CFAP47: variants seen among roughly 807,000 people sequenced by gnomAD.
The protein encoded by CFAP47 is cilia- and flagella-associated protein 47.
In CFAP47, 29 loss-of-function variants were observed where a neutral mutation model predicts 148.1. That is an observed-to-expected ratio of 0.20 (90% CI 0.15 to 0.27). The LOEUF is 0.27. Ranked by LOEUF, CFAP47 falls within the 10% of genes least tolerant of loss-of-function variation. The pLI is 1.00. For synonymous variants in CFAP47, 664 were observed against 577.3 expected, an observed-to-expected ratio of 1.15 and a Z score of -2.15; for missense variants, 1,872 against 1,697.5, an observed-to-expected ratio of 1.10 and a Z score of -1.81.
intron 8 of CFAP47, among the ~76,000 whole-genome samples, chrX:35,964,777 T>G (rs537285111): frequency 8.9e-6 from 1 of 111,885 alleles, no homozygotes; most frequent in African/African-American, 3.2e-5. Flanking sequence ...TTAGTTACGT[T>G]ACTCTTCAAT....
intron 43 of CFAP47, 83 bp downstream of exon 43, chrX:36,200,576 C>A (rs781959787): frequency 1.8e-4 from 51 of 286,114 alleles, no homozygotes; most frequent in Non-Finnish European, 3.0e-4. Context: ...ATACTCATAG[C>A]AAGCTTCTCT....
At chrX:36,180,819 T>G (rs1240735751) in intron 40 of CFAP47, among the ~76,000 whole-genome samples, 1 of 112,092 alleles carries the variant, frequency 8.9e-6, no homozygotes, top group Non-Finnish European at 1.9e-5. Context: ...ACATTTTGCT[T>G]TAGTGAACAA....
chrX:36,152,013 G>T (rs759549841), intron 37 of CFAP47, among the ~76,000 whole-genome samples: 1 of 110,666 alleles, frequency 9.0e-6, no homozygotes, highest in Non-Finnish European at 1.9e-5. Context: ...TCTTTTCTAA[G>T]TGTAATAATC....
chrX:36,078,072 A>T (rs1418861418), intron 29 of CFAP47, among the ~76,000 whole-genome samples: 3 of 111,748 alleles, frequency 2.7e-5, no homozygotes, highest in Non-Finnish European at 5.6e-5. Flanking sequence ...TAAACTTCAC[A>T]CATTGAGGCA....
chrX:36,241,992 T>A (rs1011901956), intron 48 of CFAP47, among the ~76,000 whole-genome samples: 3 of 110,844 alleles, frequency 2.7e-5, no homozygotes, highest in Non-Finnish European at 5.7e-5. Context: ...AGAAAAAGAG[T>A]CACGTGGCTG....
At chrX:36,138,094 TA>T in intron 34 of CFAP47, 39 bp downstream of exon 34, 1 of 619,212 alleles carries the variant, frequency 1.6e-6, no homozygotes, top group Non-Finnish European at 2.6e-6. Flanking sequence ...TTCTATTATT[TA>T]AAAAAACTTA....
At chrX:36,344,304 C>A (rs1602118195) in intron 57 of CFAP47, among the ~76,000 whole-genome samples, 2 of 98,397 alleles carry the variant, frequency 2.0e-5, no homozygotes, top group Admixed American at 1.1e-4. Flanking sequence ...AACTGAAGTT[C>A]AGTTCAAAAA....
chrX:36,296,447 C>T (rs1941243228), intron 51 of CFAP47, among the ~76,000 whole-genome samples: 1 of 111,631 alleles, frequency 9.0e-6, no homozygotes, highest in Non-Finnish European at 1.9e-5. Context: ...AGTGGCTCAA[C>T]ATGTGAGTGG....
chrX:36,225,287 A>G (rs954759548), intron 45 of CFAP47, among the ~76,000 whole-genome samples: 9 of 111,930 alleles, frequency 8.0e-5, no homozygotes, highest in East Asian at 2.8e-4. Flanking sequence ...ACATTTCAAA[A>G]TAGAATACAT....
intron 62 of CFAP47, among the ~76,000 whole-genome samples, chrX:36,373,937 T>C (rs1941996823): frequency 2.7e-5 from 3 of 111,809 alleles, no homozygotes; most frequent in Non-Finnish European, 5.7e-5. Flanking sequence ...TGAAGAGCCT[T>C]TTAATATATT....
intron 22 of CFAP47, among the ~76,000 whole-genome samples, chrX:36,028,768 G>T (rs1937249828): frequency 9.0e-6 from 1 of 110,794 alleles, no homozygotes. Flanking sequence ...GTCTTTAAAG[G>T]ATGTCAGATT....
intron 8 of CFAP47, among the ~76,000 whole-genome samples, chrX:35,962,785 C>T (rs1936348517): frequency 9.0e-6 from 1 of 110,661 alleles, no homozygotes; most frequent in African/African-American, 3.3e-5. Flanking sequence ...CAATTTAATC[C>T]ATTTATGTGT....
chrX:35,924,061 G>GTA lies in CFAP47; in HGVS notation c.250-1956_250-1955insTA, dbSNP rs1569201132. The stretch of plus-strand genomic sequence containing the variant: ...TATATGTGTATATGTACATGTATGC[G>GTA]CACATATATGTATATATGTACATGT... On this transcript the variant is annotated intron_variant, in intron 1 of 63. Transcript: ENST00000378653. Among the ~76,000 whole-genome samples the GTA allele has an allele frequency of 3.9e-3, 353 of 91,538 alleles. 43 individuals are homozygous for GTA. The highest frequency in any genetic ancestry group is 0.015 in the African/African-American group (333 of 21,898). The allele number at this position is 91,538 out of a possible 115,157, so 79.5% of individuals were successfully genotyped here.
intron 29 of CFAP47, 21 bp downstream of exon 29, chrX:36,073,385 T>G: frequency 9.6e-7 from 1 of 1,044,224 alleles, no homozygotes; most frequent in Non-Finnish European, 1.3e-6. Flanking sequence ...CATGTTTCTC[T>G]AAATTCTTTG....
At chrX:36,373,203 A>G (rs1035564657) in intron 62 of CFAP47, among the ~76,000 whole-genome samples, 1 of 111,644 alleles carries the variant, frequency 9.0e-6, no homozygotes, top group Non-Finnish European at 1.9e-5. Context: ...GTTTTTGTCA[A>G]TATTTTAAAT....
intron 32 of CFAP47, among the ~76,000 whole-genome samples, chrX:36,100,877 T>C (rs754254122): frequency 9.0e-6 from 1 of 111,436 alleles, no homozygotes; most frequent in Non-Finnish European, 1.9e-5. Flanking sequence ...TATGCAACAA[T>C]TTGATGCAGG....
At chrX:36,041,265 A>G (rs1254483852) in intron 25 of CFAP47, among the ~76,000 whole-genome samples, 1 of 111,525 alleles carries the variant, frequency 9.0e-6, no homozygotes, top group Admixed American at 9.6e-5. Context: ...CAGAGAAGGG[A>G]CAGTTAAATA....
At position 36,067,798 on chromosome X, in the gene CFAP47, G is replaced by A. The variant is rs753020437; in HGVS notation, c.4318+2055G>A. The stretch of plus-strand genomic sequence containing the variant: ...CTGCCTCAGCCTCCCGAGAAGCTGG[G>A]ACTACAGGTGCCCGCCACCATGGCC... On this transcript the variant is annotated intron_variant, in intron 27 of 63. Transcript: ENST00000378653. Among the ~76,000 whole-genome samples, 474 of 109,189 alleles carry A rather than the reference G, an allele frequency of 4.3e-3. 2 individuals are homozygous for A. The highest frequency in any genetic ancestry group is 0.015 in the African/African-American group (450 of 29,902). The allele number at this position is 109,189 out of a possible 115,157, so 94.8% of individuals were successfully genotyped here. A position where few individuals can be genotyped will look rare whatever the true frequency, so the allele number is the denominator to read the frequency against.
chrX:36,348,116 G>A lies in CFAP47; in HGVS notation c.8444-13G>A. 2 of 951,377 alleles carry A rather than the reference G, an allele frequency of 2.1e-6. No individual in the cohort carries two copies. Among genetic ancestry groups the A allele is most frequent in the Non-Finnish European group, 2.7e-6 (2 of 732,103 alleles). The allele number at this position is 951,377 out of a possible 1,213,427, so 78.4% of individuals were successfully genotyped here. On this transcript the variant is annotated splice_polypyrimidine_tract_variant and intron_variant, in intron 57 of 63. Coordinates refer to ENST00000378653, the MANE Select transcript of CFAP47 (RefSeq NM_001304548.2). ...ATTTACCATATTAAAAATTATTTTTGTGTGTTTTACAGGAATTGCACTGCC... is the reference window on the plus strand; with the variant it reads ...ATTTACCATATTAAAAATTATTTTTATGTGTTTTACAGGAATTGCACTGCC...
Sources: allele counts gnomAD v4.1 joint callset (sites outside exome capture counted in the v4.1 genomes callset), GRCh38; gene constraint gnomAD v4.1.1; transcripts MANE v1.5; gene names NCBI Gene and HGNC (gene_info 2026-07-23, HGNC 2026-07-21).